Variants in RPH3A observed in about 807,000 individuals in gnomAD.
RPH3A encodes the protein rabphilin-3A.
A neutral mutation model predicts 102.2 loss-of-function variants in RPH3A; 48 were observed. The ratio of observed to expected loss-of-function variants is 0.47; its 90% confidence interval spans 0.37 to 0.60. The LOEUF (loss-of-function observed/expected upper bound fraction) is 0.60, where lower values mean the gene tolerates loss of function less well. RPH3A is among the 20% of genes least tolerant of loss of function. The probability of loss-of-function intolerance (pLI) is 0.00; values close to 1 mark genes in which losing one functional copy is unlikely to be tolerated. For missense variants in RPH3A, 781 were observed against 910.1 expected (o/e 0.86, Z 1.83); for synonymous variants, 310 against 324.3 (o/e 0.96, Z 0.47).
At chr12:112,701,115 A>G (rs983058710) in intron 1 of RPH3A, among the ~76,000 whole-genome samples, 3 of 152,234 alleles carry the variant, frequency 2.0e-5, no homozygotes, top group Non-Finnish European at 4.4e-5. Flanking sequence ...CAAGCTATGC[A>G]CTGGGATACA....
chr12:112,744,642 G>A (rs1273727452), intron 1 of RPH3A, among the ~76,000 whole-genome samples: 1 of 152,064 alleles, frequency 6.6e-6, no homozygotes, highest in Non-Finnish European at 1.5e-5. Context: ...TCAACTCTTT[G>A]CAGGAGTCCT....
At chr12:112,799,600 C>T (rs1450056980) in intron 2 of RPH3A, among the ~76,000 whole-genome samples, 1 of 152,188 alleles carries the variant, frequency 6.6e-6, no homozygotes, top group African/African-American at 2.4e-5. Context: ...CTCTGCATGG[C>T]TCCGGCATGG....
At position 112,897,856 on chromosome 12, in the gene RPH3A, C is replaced by A. The variant is rs2240193; in HGVS notation, c.*1076C>A. The A allele has an allele frequency of 0.14, 21,893 of 151,892 alleles. 2,161 individuals are homozygous for A. Among genetic ancestry groups the A allele is most frequent in the East Asian group, 0.32 (1,656 of 5,170 alleles). The allele number at this position is 151,892 out of a possible 1,614,324, so 9.4% of individuals were successfully genotyped here. On this transcript the variant is annotated 3_prime_UTR_variant, in exon 22 of 22. Transcript: ENST00000389385. ...GTAGATGCCCCATAGAGGACTCTCT[C>A]ATCCGTGGGCTCCCCGGGTGGGCAC...
rs190215237 is a variant in RPH3A, at chr12:112,752,734, G to A, written c.-139-39409G>A. On this transcript the variant is annotated intron_variant, in intron 1 of 21. Coordinates refer to the RPH3A transcript ENST00000543106. ...ATTCATATAAGTAAAAAATACACAG[G>A]TCACCAAGTGCAGAATTTGATGAGT... 5.1e-3 allele frequency among the ~76,000 whole-genome samples: 766 copies of A among 151,668 alleles called. 2 individuals are homozygous for A. The highest frequency in any genetic ancestry group is 0.012 in the Admixed American group (182 of 15,238).
At position 112,846,724 on chromosome 12, in the gene RPH3A, T is replaced by C. The variant is rs553888091; in HGVS notation, c.84-972T>C. Reference sequence around the variant, plus strand: ...AGTGGTGTTTACCCCTGCCTTCCACTCCAGTGATGCATCTCAGAGCCTTGG... The same window carrying C: ...AGTGGTGTTTACCCCTGCCTTCCACCCCAGTGATGCATCTCAGAGCCTTGG... On this transcript the variant is annotated intron_variant, in intron 4 of 21. Transcript: ENST00000389385. Among the ~76,000 whole-genome samples the C allele has an allele frequency of 3.0e-4, 46 of 152,282 alleles. 1 individual carries two copies. The highest frequency in any genetic ancestry group is 1.1e-3 in the African/African-American group (45 of 41,554).
At chr12:112,841,916 C>T in intron 4 of RPH3A, 1 of 455,974 alleles carries the variant, frequency 2.2e-6, no homozygotes, top group East Asian at 7.0e-5. Flanking sequence ...GTCCGTCTGT[C>T]TCTCTGTCTC....
At chr12:112,609,061 C>T (rs567801906) in intron 1 of RPH3A, among the ~76,000 whole-genome samples, 3 of 152,126 alleles carry the variant, frequency 2.0e-5, no homozygotes, top group Non-Finnish European at 4.4e-5. Flanking sequence ...TTGGACGATG[C>T]CAGATCTGGA....
intron 2 of RPH3A, among the ~76,000 whole-genome samples, chr12:112,820,637 A>T (rs1416499779): frequency 6.6e-6 from 1 of 152,208 alleles, no homozygotes; most frequent in Non-Finnish European, 1.5e-5. Flanking sequence ...ATGATGAAGT[A>T]GGTAGTGCTG....
chr12:112,636,691 T>C (rs1262508072), intron 1 of RPH3A, among the ~76,000 whole-genome samples: 1 of 152,126 alleles, frequency 6.6e-6, no homozygotes, highest in African/African-American at 2.4e-5. Flanking sequence ...TTATCTACAG[T>C]GATCACAACT....
At chr12:112,887,631 AAAG>A (rs1185883178) in intron 16 of RPH3A, among the ~76,000 whole-genome samples, 163 bp from the exon 17 acceptor site, 2 of 152,256 alleles carry the variant, frequency 1.3e-5, no homozygotes, top group African/African-American at 4.8e-5. Context: ...ATACTGCAAT[AAAG>A]AAGAAGTTAA....
chr12:112,898,386 A>C lies in RPH3A; in HGVS notation c.*1606A>C, dbSNP rs2043220723. 1 of 152,192 alleles carries C rather than the reference A, an allele frequency of 6.6e-6. No homozygotes were observed. The allele number at this position is 152,192 out of a possible 1,614,324, so 9.4% of individuals were successfully genotyped here. On this transcript the variant is annotated 3_prime_UTR_variant, in exon 22 of 22. Transcript: ENST00000389385. ...TCATCCCAAACCCCTGACATTCTCT[A>C]CAGAAGCATCAGACAGATACTCAAA...
At chr12:112,846,021 AG>A (rs1400689271) in intron 4 of RPH3A, among the ~76,000 whole-genome samples, 1 of 152,184 alleles carries the variant, frequency 6.6e-6, no homozygotes, top group Non-Finnish European at 1.5e-5. Context: ...AAGATTGAGC[AG>A]AGAGGCCAGT....
intron 1 of RPH3A, among the ~76,000 whole-genome samples, chr12:112,665,268 C>A (rs2040076617): frequency 6.6e-6 from 1 of 152,186 alleles, no homozygotes; most frequent in African/African-American, 2.4e-5. Flanking sequence ...TGCCTCTGCT[C>A]ATGTGAAACA....
chr12:112,672,130 C>T (rs1388258959), intron 1 of RPH3A, among the ~76,000 whole-genome samples: 5 of 151,800 alleles, frequency 3.3e-5, no homozygotes, highest in African/African-American at 4.8e-5. Flanking sequence ...ATCTGCAGGG[C>T]AGGCAGACAG....
chr12:112,670,117 CCTT>C (rs1341782310), intron 1 of RPH3A, among the ~76,000 whole-genome samples: 3 of 152,154 alleles, frequency 2.0e-5, no homozygotes, highest in Admixed American at 1.3e-4. Flanking sequence ...TTGCCAAAAA[CCTT>C]CTTAAGAGGC....
chr12:112,690,105 C>G (rs1226206773), intron 1 of RPH3A, among the ~76,000 whole-genome samples: 1 of 152,222 alleles, frequency 6.6e-6, no homozygotes, highest in Non-Finnish European at 1.5e-5. Context: ...GATCATCCTT[C>G]TTACTGTTTT....
At chr12:112,706,401 G>A (rs115380318) in intron 1 of RPH3A, among the ~76,000 whole-genome samples, 1 of 152,064 alleles carries the variant, frequency 6.6e-6, no homozygotes, top group Admixed American at 6.6e-5. Flanking sequence ...CACAGAACAG[G>A]TTCAAGGATG....
At position 112,611,829 on chromosome 12, in the gene RPH3A, GA is replaced by G. The variant is rs201427425; in HGVS notation, c.-140+36521del. Reference sequence around the variant, plus strand: ...TAACTAGCATTGTCCTAGCCAGCAAGAAAAAAAAAAAGGGAAAAATAATTAG... The same window carrying G: ...TAACTAGCATTGTCCTAGCCAGCAAGAAAAAAAAAAGGGAAAAATAATTAG... On this transcript the variant is annotated intron_variant, in intron 1 of 21. Transcript: ENST00000543106. Among the ~76,000 whole-genome samples the G allele has an allele frequency of 2.0e-3, 287 of 141,872 alleles. 2 individuals are homozygous for G. The highest frequency in any genetic ancestry group is 7.7e-3 in the East Asian group (38 of 4,946). The allele number at this position is 141,872 out of a possible 152,430, so 93.1% of individuals were successfully genotyped here.
At chr12:112,713,634 G>A (rs1329729271) in intron 1 of RPH3A, among the ~76,000 whole-genome samples, 1 of 152,056 alleles carries the variant, frequency 6.6e-6, no homozygotes, top group Non-Finnish European at 1.5e-5. Flanking sequence ...GCTTTTGCCA[G>A]AGTAAGATAA....
Sources: gnomAD v4.1 joint callset for allele counts (sites outside exome capture counted in the v4.1 genomes callset) on GRCh38, gnomAD v4.1.1 for gene constraint, MANE v1.5 for transcripts, NCBI Gene and HGNC (gene_info 2026-07-23, HGNC 2026-07-21) for gene names.